The following KIF26B variants were observed in gnomAD, a reference collection of about 807,000 sequenced individuals.
The protein encoded by KIF26B is kinesin-like protein KIF26B.
A neutral mutation model predicts 151.2 loss-of-function variants in KIF26B; 63 were observed. The observed-to-expected ratio is 0.42, with a 90% CI of 0.34 to 0.51. KIF26B has a LOEUF of 0.51. Ranked by LOEUF, KIF26B falls within the 20% of genes least tolerant of loss-of-function variation. The pLI is 0.07. For synonymous variants in KIF26B, 1,357 were observed against 1,262.1 expected (o/e 1.08, Z -1.59); for missense variants, 2,813 against 2,913.6 (o/e 0.97, Z 0.79).
chr1:245,199,834 TCCATCCATCCAC>T lies in KIF26B; in HGVS notation c.465+43159_465+43170del, dbSNP rs1161255156. Among the ~76,000 whole-genome samples the T allele has an allele frequency of 3.0e-3, 108 of 35,842 alleles. 2 individuals are homozygous for T. The highest frequency in any genetic ancestry group is 5.7e-3 in the East Asian group (12 of 2,120). 23.5% of individuals were successfully genotyped at this position (35,842 alleles called of 152,430 possible). A position where few individuals can be genotyped will look rare whatever the true frequency, so the allele number is the denominator to read the frequency against. On this transcript the variant is annotated intron_variant, in intron 2 of 14. Transcript: ENST00000407071. ...ATCTGTCCATCCATCCATCCATCCA[TCCATCCATCCAC>T]CCATCCACTTGTTCATTGATTTATT... is the stretch of plus-strand genomic sequence containing the variant.
chr1:245,587,308 GT>G (rs1224049198), intron 5 of KIF26B, among the ~76,000 whole-genome samples: 3 of 152,122 alleles, frequency 2.0e-5, no homozygotes, highest in African/African-American at 4.8e-5. Flanking sequence ...ATGCTGGGGT[GT>G]TTTTTTATTG....
intron 9 of KIF26B, among the ~76,000 whole-genome samples, chr1:245,612,666 A>C (rs879330820): frequency 6.6e-6 from 1 of 152,180 alleles, no homozygotes; most frequent in Non-Finnish European, 1.5e-5. Flanking sequence ...CCACCAAAGC[A>C]CTCCGGCAGT....
At chr1:245,589,322 T>G (rs1273430571) in intron 5 of KIF26B, among the ~76,000 whole-genome samples, 1 of 152,182 alleles carries the variant, frequency 6.6e-6, no homozygotes, top group Non-Finnish European at 1.5e-5. Flanking sequence ...GAAGGACGCC[T>G]TCTTTTCACC....
At chr1:245,160,220 T>C (rs1261812894) in intron 2 of KIF26B, among the ~76,000 whole-genome samples, 2 of 152,224 alleles carry the variant, frequency 1.3e-5, no homozygotes, top group Non-Finnish European at 2.9e-5. Context: ...TGACTTTTAT[T>C]ACCTTGATCA....
chr1:245,226,872 T>G (rs1007385090), intron 2 of KIF26B, among the ~76,000 whole-genome samples: 1 of 152,204 alleles, frequency 6.6e-6, no homozygotes, highest in African/African-American at 2.4e-5. Flanking sequence ...AAGCTTCTAA[T>G]TTGCTGTAAG....
intron 5 of KIF26B, among the ~76,000 whole-genome samples, chr1:245,551,295 G>A (rs890388261): frequency 1.3e-5 from 2 of 152,162 alleles, no homozygotes; most frequent in African/African-American, 4.8e-5. Flanking sequence ...CACCCGCCTT[G>A]ACCTCCCAAA....
intron 2 of KIF26B, among the ~76,000 whole-genome samples, chr1:245,276,820 T>C (rs929303228): frequency 1.3e-5 from 2 of 152,186 alleles, no homozygotes; most frequent in African/African-American, 4.8e-5. Flanking sequence ...GCTGTCTCTG[T>C]AGGGACAAAG....
intron 4 of KIF26B, among the ~76,000 whole-genome samples, chr1:245,436,393 G>A (rs1364049505): frequency 6.6e-6 from 1 of 152,136 alleles, no homozygotes; most frequent in African/African-American, 2.4e-5. Context: ...GGAAAGGAGA[G>A]TTTGAATTTG....
In KIF26B at chr1:245,257,614, T is replaced by C. The variant is rs185620781; in HGVS notation, c.465+100931T>C. 3.6e-4 allele frequency among the ~76,000 whole-genome samples: 55 copies of C among 152,328 alleles called. No homozygotes were observed. In the East Asian group the frequency reaches 9.5e-3, roughly 26 times the overall value. Reference sequence around the variant, plus strand: ...TGAAAAGCTTTGCTGCACATCAGCCTGGAGGAAGGCTGGACAGGAGAAATA... The same window carrying C: ...TGAAAAGCTTTGCTGCACATCAGCCCGGAGGAAGGCTGGACAGGAGAAATA... On this transcript the variant is annotated intron_variant, in intron 2 of 14. Transcript: ENST00000407071.
intron 2 of KIF26B, chr1:245,206,425 T>C (rs1213754693): frequency 6.6e-6 from 1 of 152,104 alleles, no homozygotes; most frequent in Middle Eastern, 3.2e-3. Flanking sequence ...TCCTTATGAG[T>C]AGGGAAAGGG....
At chr1:245,598,790 A>G (rs1454832548) in intron 5 of KIF26B, among the ~76,000 whole-genome samples, 3 of 152,160 alleles carry the variant, frequency 2.0e-5, no homozygotes, top group South Asian at 4.1e-4. Flanking sequence ...AGCTGTCCCA[A>G]TCCATCCGTG....
intron 2 of KIF26B, among the ~76,000 whole-genome samples, chr1:245,208,914 CTG>C (rs1468116740): frequency 1.3e-5 from 2 of 152,196 alleles, no homozygotes; most frequent in Non-Finnish European, 2.9e-5. Context: ...TGTTTAAACA[CTG>C]TGTGGCCATC....
chr1:245,529,031 T>C (rs79598387), intron 4 of KIF26B, among the ~76,000 whole-genome samples: 2,704 of 152,282 alleles, frequency 0.018, 100 homozygotes, highest in African/African-American at 0.062. Flanking sequence ...GATTCATTAG[T>C]GCAGAAGTCC....
rs201603113 is a variant in KIF26B, at chr1:245,687,815, G to T, written c.4832G>T (p.Arg1611Leu). Residue 1611 changes from arginine to leucine, a missense_variant, in exon 12 of 15, where the codon CGG becomes CTG. By Grantham distance (102) the Arg-to-Leu change is moderately radical (BLOSUM62 -2). Transcript: ENST00000407071. The surrounding 1 kb of genome is among the most constrained non-coding windows in gnomAD (Gnocchi z 4.9). ...AAGTCCAGCCTGGACCAGAAGAACCGGGCCAGCCCTCAGCACAGTGCCAGC... is the reference window on the plus strand; with the variant it reads ...AAGTCCAGCCTGGACCAGAAGAACCTGGCCAGCCCTCAGCACAGTGCCAGC... ...VRKSSLDQKN[R>L]ASPQHSASGS... The T allele has an allele frequency of 1.3e-5, 21 of 1,595,680 alleles. No homozygotes were observed. The South Asian group carries it at 2.1e-4, about 16-fold the overall frequency.
At chr1:245,417,943 G>A (rs1395604281) in intron 3 of KIF26B, among the ~76,000 whole-genome samples, 5 of 151,488 alleles carry the variant, frequency 3.3e-5, no homozygotes, top group Admixed American at 2.0e-4. Context: ...CACATGTCAC[G>A]GTGTGTCAAA....
intron 2 of KIF26B, among the ~76,000 whole-genome samples, chr1:245,256,850 A>G (rs1670546242): frequency 6.6e-6 from 1 of 152,196 alleles, no homozygotes; most frequent in African/African-American, 2.4e-5. Context: ...TTTTGCCTCA[A>G]AATATATTTC....
At chr1:245,423,897 G>GA (rs1417753942) in intron 4 of KIF26B, among the ~76,000 whole-genome samples, 3 of 151,976 alleles carry the variant, frequency 2.0e-5, no homozygotes, top group African/African-American at 7.2e-5. Context: ...GGAGTGTAGT[G>GA]ACGTAATCAC....
At chr1:245,530,796 T>C (rs1661341976) in intron 4 of KIF26B, among the ~76,000 whole-genome samples, 1 of 152,002 alleles carries the variant, frequency 6.6e-6, no homozygotes, top group Non-Finnish European at 1.5e-5. Flanking sequence ...ATCTGTGCAA[T>C]TTAGGAGTAG....
At chr1:245,509,281 G>T (rs1558193079) in intron 4 of KIF26B, among the ~76,000 whole-genome samples, 1 of 152,208 alleles carries the variant, frequency 6.6e-6, no homozygotes, top group Non-Finnish European at 1.5e-5. Context: ...TGGGATTGGA[G>T]CCGTTCTCTA....
Sources: gnomAD v4.1 joint callset for allele counts (sites outside exome capture counted in the v4.1 genomes callset) on GRCh38, gnomAD v4.1.1 for gene constraint, Gnocchi (gnomAD v3.1) non-coding constraint, MANE v1.5 for transcripts, NCBI Gene and HGNC (gene_info 2026-07-23, HGNC 2026-07-21) for gene names.